The following ITGA11 variants were observed in gnomAD, a reference collection of about 807,000 sequenced individuals.
ITGA11 encodes the protein integrin subunit alpha 11.
ITGA11 carries 97 observed loss-of-function variants against 141.9 expected under a neutral mutation model. The observed-to-expected ratio is 0.68, with a 90% CI of 0.58 to 0.81. ITGA11 has a LOEUF of 0.81. ITGA11 is among the 30% of genes least tolerant of loss of function. The pLI, the probability that ITGA11 is intolerant of heterozygous loss-of-function variation, is 0.00. For synonymous variants in ITGA11, 658 were observed against 624.6 expected (o/e 1.05, Z -0.80); for missense variants, 1,387 against 1,559.2 (o/e 0.89, Z 1.86).
chr15:68,326,358 C>G lies in ITGA11; in HGVS notation c.2211+296G>C, dbSNP rs1459145603. On this transcript the variant is annotated intron_variant, in intron 17 of 29. Coordinates refer to ENST00000315757, the MANE Select transcript of ITGA11 (RefSeq NM_001004439.2). The surrounding 1 kb of genome is among the most constrained non-coding windows in gnomAD (Gnocchi z 6.8). ...TCCCTCCCTTTGGGGCTGTGCCCCCCACCAGCTGCTCCTAGTTCTCTCTGC... is the reference window on the plus strand; with the variant it reads ...TCCCTCCCTTTGGGGCTGTGCCCCCGACCAGCTGCTCCTAGTTCTCTCTGC... Among the ~76,000 whole-genome samples, 1 of 152,192 alleles carries G rather than the reference C, an allele frequency of 6.6e-6. No individual in the cohort carries two copies. Among genetic ancestry groups the G allele is most frequent in the Non-Finnish European group, 1.5e-5 (1 of 68,030 alleles).
intron 2 of ITGA11, among the ~76,000 whole-genome samples, chr15:68,372,388 TC>T (rs1008411179): frequency 4.8e-4 from 73 of 152,152 alleles, no homozygotes; most frequent in African/African-American, 1.7e-3. Context: ...GCTACGCCTC[TC>T]GGGGGCTTGA....
intron 2 of ITGA11, among the ~76,000 whole-genome samples, chr15:68,389,090 T>C (rs570403086): frequency 6.6e-6 from 1 of 152,318 alleles, no homozygotes; most frequent in South Asian, 2.1e-4. Flanking sequence ...CTCCATCTGC[T>C]GTACTCCTCT....
At chr15:68,344,250 C>A (rs1390336588) in intron 10 of ITGA11, among the ~76,000 whole-genome samples, 2 of 152,098 alleles carry the variant, frequency 1.3e-5, no homozygotes, top group East Asian at 1.9e-4. Flanking sequence ...ACTGCCCGCC[C>A]AGCCTGGCAG....
chr15:68,343,218 C>T (rs908772532), intron 10 of ITGA11, among the ~76,000 whole-genome samples: 5 of 152,144 alleles, frequency 3.3e-5, no homozygotes, highest in African/African-American at 7.2e-5. Flanking sequence ...GTCACAGTCA[C>T]GTTCGTCATT....
chr15:68,373,431 A>G (rs1340570467), intron 2 of ITGA11, among the ~76,000 whole-genome samples: 2 of 152,178 alleles, frequency 1.3e-5, no homozygotes, highest in South Asian at 2.1e-4. Flanking sequence ...CAATCCTTGG[A>G]AAGAGGGTTG....
intron 1 of ITGA11, among the ~76,000 whole-genome samples, chr15:68,420,909 G>A (rs1897002396): frequency 6.6e-6 from 1 of 152,190 alleles, no homozygotes; most frequent in African/African-American, 2.4e-5. Context: ...GGATAGGAGG[G>A]GAGTTTATGC....
At chr15:68,383,878 C>T (rs1895919878) in intron 2 of ITGA11, among the ~76,000 whole-genome samples, 1 of 152,094 alleles carries the variant, frequency 6.6e-6, no homozygotes. Flanking sequence ...AGCCCACAGG[C>T]TGCTGTAGGG....
chr15:68,345,856 G>A (rs1223825886), intron 10 of ITGA11, among the ~76,000 whole-genome samples: 1 of 152,234 alleles, frequency 6.6e-6, no homozygotes, highest in Non-Finnish European at 1.5e-5. Context: ...ATTCATGATG[G>A]CATCAGCGGC....
At chr15:68,418,666 G>C (rs1158451446) in intron 1 of ITGA11, among the ~76,000 whole-genome samples, 1 of 147,546 alleles carries the variant, frequency 6.8e-6, no homozygotes, top group Non-Finnish European at 1.5e-5. Flanking sequence ...AGCCGGTACA[G>C]CTGTACGTGG....
intron 3 of ITGA11, among the ~76,000 whole-genome samples, chr15:68,367,457 C>A (rs1012715058): frequency 6.6e-6 from 1 of 152,128 alleles, no homozygotes; most frequent in Non-Finnish European, 1.5e-5. Context: ...GAGTGCTCCG[C>A]CCCCACCTGT....
chr15:68,358,603 A>G lies in ITGA11; in HGVS notation c.473-18T>C, dbSNP rs113581310. On this transcript the variant is annotated intron_variant, in intron 5 of 29. Transcript: ENST00000315757. ...CTGGCACCCTGGAAAGTGGGGACAC[A>G]GTTATGGCTACCCAAGGAGCAGTGT... 61 of 1,601,824 alleles carry G rather than the reference A, an allele frequency of 3.8e-5. 1 individual carries two copies. Among genetic ancestry groups the G allele is most frequent in the African/African-American group, 3.6e-4 (27 of 74,444 alleles).
Position 68,326,874 on chromosome 15 carries a change from C to A in ITGA11, c.2069-78G>T. 1 of 1,470,158 alleles carries A rather than the reference C, an allele frequency of 6.8e-7. No individual in the cohort carries two copies. The highest frequency in any genetic ancestry group is 9.1e-7 in the Non-Finnish European group (1 of 1,095,604). The allele number at this position is 1,470,158 out of a possible 1,614,324, so 91.1% of individuals were successfully genotyped here. On this transcript the variant is annotated intron_variant, in intron 16 of 29. Coordinates refer to ENST00000315757, the MANE Select transcript of ITGA11 (RefSeq NM_001004439.2). The surrounding 1 kb of genome is among the most constrained non-coding windows in gnomAD (Gnocchi z 6.8). Reference sequence around the variant, plus strand: ...AGACTGTCTGCCTCCTCCAGGAAGCCCCCCAGGCTGGCCAGGGGAGAGCTG... The same window carrying A: ...AGACTGTCTGCCTCCTCCAGGAAGCACCCCAGGCTGGCCAGGGGAGAGCTG...
At chr15:68,415,913 T>C (rs150771942) in intron 1 of ITGA11, among the ~76,000 whole-genome samples, 1,586 of 152,226 alleles carry the variant, frequency 0.01, 38 homozygotes, top group African/African-American at 0.036. Context: ...TTGATATTCA[T>C]CCAAGAAGGG....
At chr15:68,361,383 TCA>T (rs1895238897) in intron 5 of ITGA11, among the ~76,000 whole-genome samples, 1 of 152,134 alleles carries the variant, frequency 6.6e-6, no homozygotes, top group Admixed American at 6.5e-5. Context: ...CTCTCCACCA[TCA>T]CACTTGGGAG....
chr15:68,358,723 G>A, intron 5 of ITGA11, 138 bp from the exon 6 acceptor site: 1 of 956,192 alleles, frequency 1.0e-6, no homozygotes, highest in Non-Finnish European at 1.5e-6. Flanking sequence ...ACTGTCCTTG[G>A]GTTGGACATT....
intron 2 of ITGA11, 130 bp downstream of exon 2, chr15:68,402,788 G>A: frequency 1.6e-6 from 1 of 630,834 alleles, no homozygotes; most frequent in Non-Finnish European, 2.9e-6. Flanking sequence ...TGCTGGGACA[G>A]AGTCAAGTCA....
intron 2 of ITGA11, among the ~76,000 whole-genome samples, chr15:68,373,298 T>G (rs948656883): frequency 1.3e-5 from 2 of 152,178 alleles, no homozygotes; most frequent in African/African-American, 4.8e-5. Context: ...AGTAGGGTGG[T>G]CCTGAAGGCA....
rs1232736792 is a variant in ITGA11 at position 68,321,494 on chromosome 15, A to G, written c.2332T>C (p.Trp778Arg). ...PTTLRVSVPF[W>R]NGCNEDEHCV... ...TGCTCATCCTCATTGCAGCCGTTCC[A>G]GAAGGGCACCTGGGCCAGGGAGAGC... is the stretch of plus-strand genomic sequence containing the variant. Residue 778 changes from tryptophan to arginine, a missense_variant, in exon 19 of 30, where the codon TGG (tryptophan) becomes CGG (arginine). Physicochemically the swap from Trp to Arg is moderately radical, Grantham distance 101. Transcript: ENST00000315757. The surrounding 1 kb of genome is among the most constrained non-coding windows in gnomAD (Gnocchi z 4.9). 1.9e-6 allele frequency: 3 copies of G among 1,596,644 alleles called. No homozygotes were observed. The highest frequency in any genetic ancestry group is 2.6e-6 in the Non-Finnish European group (3 of 1,171,632).
chr15:68,354,609 T>C lies in ITGA11; in HGVS notation c.749+2542A>G, dbSNP rs114276412. 2.5e-3 allele frequency among the ~76,000 whole-genome samples: 385 copies of C among 152,304 alleles called. 2 individuals are homozygous for C. The highest frequency in any genetic ancestry group is 9.0e-3 in the African/African-American group (373 of 41,566). On this transcript the variant is annotated intron_variant, in intron 7 of 29. Transcript: ENST00000315757. Reference sequence around the variant, plus strand: ...CTGCTGTTCTCAGGGTGGAATGTCTTGTGTGGCACGTCTTCTGTTCACCTC... The same window carrying C: ...CTGCTGTTCTCAGGGTGGAATGTCTCGTGTGGCACGTCTTCTGTTCACCTC...
Sources: allele counts gnomAD v4.1 joint callset (sites outside exome capture counted in the v4.1 genomes callset), GRCh38; gene constraint gnomAD v4.1.1; non-coding constraint Gnocchi (gnomAD v3.1); transcripts MANE v1.5; gene names NCBI Gene and HGNC (gene_info 2026-07-23, HGNC 2026-07-21).